NRG2: variants seen among roughly 807,000 people sequenced by gnomAD.
NRG2 encodes the protein pro-neuregulin-2, membrane-bound isoform.
In NRG2, 27 loss-of-function variants were observed where a neutral mutation model predicts 73.9. The observed-to-expected ratio is 0.37, with a 90% CI of 0.27 to 0.50. The LOEUF is 0.50. Ranked by LOEUF, NRG2 falls within the 20% of genes least tolerant of loss-of-function variation. The pLI is 0.96. For missense variants in NRG2, 1,126 were observed against 1,210.1 expected, an observed-to-expected ratio of 0.93 and a Z score of 1.03; for synonymous variants, 532 against 541.0, an observed-to-expected ratio of 0.98 and a Z score of 0.23.
At chr5:139,892,256 T>G (rs528767280) in intron 1 of NRG2, among the ~76,000 whole-genome samples, 5 of 152,286 alleles carry the variant, frequency 3.3e-5, no homozygotes, top group African/African-American at 1.2e-4. Flanking sequence ...CTGCCAGGTT[T>G]TCTGTGGCAA....
chr5:139,991,445 A>ATAT (rs919424058), intron 1 of NRG2, among the ~76,000 whole-genome samples: 1 of 151,896 alleles, frequency 6.6e-6, no homozygotes, highest in African/African-American at 2.4e-5. Flanking sequence ...TTTACATTTC[A>ATAT]TATTATTATT....
intron 1 of NRG2, among the ~76,000 whole-genome samples, chr5:139,892,448 TG>T (rs1764273036): frequency 6.6e-6 from 1 of 152,094 alleles, no homozygotes; most frequent in East Asian, 1.9e-4. Flanking sequence ...TACCAGGCCC[TG>T]GGGTCATGTG....
intron 1 of NRG2, among the ~76,000 whole-genome samples, chr5:139,890,453 TTTTC>T (rs1163377521): frequency 1.4e-4 from 21 of 145,946 alleles, no homozygotes; most frequent in African/African-American, 4.3e-4. Context: ...TTTTCTTTTC[TTTTC>T]TTTCTTTCTT....
At chr5:139,945,733 A>C (rs930682941) in intron 1 of NRG2, among the ~76,000 whole-genome samples, 2 of 152,066 alleles carry the variant, frequency 1.3e-5, no homozygotes, top group Non-Finnish European at 2.9e-5. Flanking sequence ...GTCTACTAAA[A>C]AAAGCCATTA....
chr5:139,874,576 C>T (rs913796627), intron 3 of NRG2, among the ~76,000 whole-genome samples: 3 of 152,232 alleles, frequency 2.0e-5, no homozygotes, highest in Non-Finnish European at 4.4e-5. Context: ...CTTTGATGGC[C>T]ACAATAGCTT....
intron 1 of NRG2, among the ~76,000 whole-genome samples, chr5:139,902,861 C>T (rs1764977510): frequency 6.6e-6 from 1 of 152,232 alleles, no homozygotes; most frequent in Admixed American, 6.5e-5. Flanking sequence ...CCACAGGCTC[C>T]TCATAGCAGA....
At chr5:139,903,467 G>A (rs1446974759) in intron 1 of NRG2, among the ~76,000 whole-genome samples, 1 of 152,202 alleles carries the variant, frequency 6.6e-6, no homozygotes, top group Non-Finnish European at 1.5e-5. Context: ...GAAAAGAACC[G>A]AGAATCCAGG....
At chr5:139,933,558 T>C (rs909877882) in intron 1 of NRG2, among the ~76,000 whole-genome samples, 1 of 152,084 alleles carries the variant, frequency 6.6e-6, no homozygotes, top group African/African-American at 2.4e-5. Flanking sequence ...GTTTAAAATA[T>C]ATATGCCTCT....
At chr5:139,930,790 C>T (rs559560544) in intron 1 of NRG2, among the ~76,000 whole-genome samples, 14 of 152,192 alleles carry the variant, frequency 9.2e-5, no homozygotes, top group Non-Finnish European at 1.0e-4. Flanking sequence ...AGAGCACAGC[C>T]AGGGCTAAAG....
chr5:139,896,576 C>A (rs1764552696), intron 1 of NRG2, among the ~76,000 whole-genome samples: 1 of 152,164 alleles, frequency 6.6e-6, no homozygotes, highest in African/African-American at 2.4e-5. Flanking sequence ...GGTATTTAGT[C>A]ATTAGGTTAA....
At position 139,954,317 on chromosome 5, in the gene NRG2, C is replaced by T. The variant is rs1754454754; in HGVS notation, c.701-66806G>A. ...GAGACCTGCAGCGGCTGTCTAGCCCCAGGTCCCAAGGTCGCCCATGTCAGC... is the reference window on the plus strand; with the variant it reads ...GAGACCTGCAGCGGCTGTCTAGCCCTAGGTCCCAAGGTCGCCCATGTCAGC... On this transcript the variant is annotated intron_variant, in intron 1 of 9. Coordinates refer to ENST00000361474, the MANE Select transcript of NRG2 (RefSeq NM_004883.3). The surrounding 1 kb of genome is among the most constrained non-coding windows in gnomAD (Gnocchi z 5.0). Among the ~76,000 whole-genome samples the T allele has an allele frequency of 6.6e-6, 1 of 152,180 alleles. No homozygotes were observed. The highest frequency in any genetic ancestry group is 2.4e-5 in the African/African-American group (1 of 41,434).
At chr5:139,896,270 T>G (rs1764535488) in intron 1 of NRG2, among the ~76,000 whole-genome samples, 3 of 152,190 alleles carry the variant, frequency 2.0e-5, no homozygotes, top group Admixed American at 6.5e-5. Flanking sequence ...TAAGTTCATG[T>G]GGATTTTTAA....
chr5:139,908,072 T>C (rs997307878), intron 1 of NRG2, among the ~76,000 whole-genome samples: 4 of 152,254 alleles, frequency 2.6e-5, no homozygotes, highest in East Asian at 3.8e-4. Flanking sequence ...TTCACAGTCA[T>C]GTACCCAGGA....
chr5:139,941,135 G>A (rs1454370599), intron 1 of NRG2, among the ~76,000 whole-genome samples: 4 of 152,144 alleles, frequency 2.6e-5, no homozygotes, highest in African/African-American at 9.7e-5. Context: ...ACAAATATGA[G>A]ACTGATGGGG....
At position 140,042,940 on chromosome 5, in the gene NRG2, C is replaced by G. The variant is rs1005893540; in HGVS notation, c.130G>C (p.Gly44Arg). ...SSSSSSSSES[G>R]SSSRSSSNNS... ...TTGCTGCTGCTCCTGCTGCTGCTGC[C>G]GCTCTCGCTGCTGCTGCTGCTGCTG... is the stretch of plus-strand genomic sequence containing the variant. Residue 44 changes from glycine to arginine, a missense_variant, in exon 1 of 10, where the codon GGC (glycine) becomes CGC (arginine). This residue lies in a region of NRG2 where 185 missense variants were observed against 149.0 expected (regional missense o/e 1.24). Transcript: ENST00000361474. 4 of 1,522,618 alleles carry G rather than the reference C, an allele frequency of 2.6e-6. No individual in the cohort carries two copies. Among genetic ancestry groups the G allele is most frequent in the Non-Finnish European group, 3.5e-6 (4 of 1,127,664 alleles). 94.3% of individuals were successfully genotyped at this position (1,522,618 alleles called of 1,614,324 possible). A position where few individuals can be genotyped will look rare whatever the true frequency, so the allele number is the denominator to read the frequency against.
chr5:139,912,317 T>A lies in NRG2; in HGVS notation c.701-24806A>T, dbSNP rs112594178. Among the ~76,000 whole-genome samples, 14 of 152,044 alleles carry A rather than the reference T, an allele frequency of 9.2e-5. 3 individuals carry two copies. Among genetic ancestry groups the A allele is most frequent in the African/African-American group, 3.4e-4 (14 of 41,440 alleles). ...ATTTATGAGCCCAGAGGCAAAAAAT[T>A]CTCTTCTCTCTCTCAGCTCTGCCCA... On this transcript the variant is annotated intron_variant, in intron 1 of 9. Transcript: ENST00000361474.
intron 1 of NRG2, among the ~76,000 whole-genome samples, chr5:139,909,202 T>C (rs1298522366): frequency 1.3e-5 from 2 of 152,244 alleles, no homozygotes; most frequent in Non-Finnish European, 1.5e-5. Flanking sequence ...TTTTTTCCTT[T>C]TTAACATTTT....
intron 1 of NRG2, among the ~76,000 whole-genome samples, chr5:139,909,329 C>T (rs190344944): frequency 6.6e-6 from 1 of 152,318 alleles, no homozygotes. Flanking sequence ...CATACTACCT[C>T]TTCCCCTACC....
chr5:139,862,007 A>G (rs1762177250), intron 5 of NRG2, among the ~76,000 whole-genome samples: 1 of 152,210 alleles, frequency 6.6e-6, no homozygotes, highest in South Asian at 2.1e-4. Context: ...CACTTTCCCA[A>G]GGTCACACAG....
Sources: gnomAD v4.1 joint callset for allele counts (sites outside exome capture counted in the v4.1 genomes callset) on GRCh38, gnomAD v4.1.1 for gene constraint, gnomAD v4.1.1 regional missense constraint, Gnocchi (gnomAD v3.1) non-coding constraint, MANE v1.5 for transcripts, NCBI Gene and HGNC (gene_info 2026-07-23, HGNC 2026-07-21) for gene names.